AKAP6: variants seen among roughly 807,000 people sequenced by gnomAD.
AKAP6 encodes A-kinase anchoring protein 6, also known as A-kinase anchor protein 6.
AKAP6 carries 58 observed loss-of-function variants against 188.5 expected under a neutral mutation model. The ratio of observed to expected loss-of-function variants is 0.31; its 90% CI spans 0.25 to 0.38. AKAP6 has a LOEUF of 0.38. AKAP6 is among the 10% of genes least tolerant of loss of function. AKAP6 has a pLI of 1.00. For synonymous variants in AKAP6, 989 were observed against 998.6 expected, an observed-to-expected ratio of 0.99 and a Z score of 0.18; for missense variants, 2,710 against 2,740.0, an observed-to-expected ratio of 0.99 and a Z score of 0.24.
chr14:32,830,849 A>G lies in AKAP6; in HGVS notation c.*1044A>G, dbSNP rs1220342659. The G allele has an allele frequency of 6.6e-6, 1 of 152,618 alleles. No individual in the cohort carries two copies. The highest frequency in any genetic ancestry group is 1.5e-5 in the Non-Finnish European group (1 of 68,012). 9.5% of individuals were successfully genotyped at this position (152,618 alleles called of 1,614,324 possible). The stretch of plus-strand genomic sequence containing the variant: ...ATCTCTTCTACTATGTTCTTTACCA[A>G]ATTGTTGCATCTGGTTCTGAAAAAG... On this transcript the variant is annotated 3_prime_UTR_variant, in exon 14 of 14. Coordinates refer to ENST00000280979, the MANE Select transcript of AKAP6 (RefSeq NM_004274.5).
chr14:32,599,582 T>A, intron 6 of AKAP6, 76 bp downstream of exon 6: 6 of 1,115,576 alleles, frequency 5.4e-6, no homozygotes, highest in Non-Finnish European at 8.0e-6. Context: ...TGTAAATTAC[T>A]GCATATATTC....
intron 3 of AKAP6, among the ~76,000 whole-genome samples, chr14:32,536,488 G>A (rs1462101269): frequency 2.0e-5 from 3 of 152,162 alleles, no homozygotes; most frequent in Non-Finnish European, 4.4e-5. Context: ...GGTAAGCTGA[G>A]GTCAGATCAT....
At chr14:32,809,286 A>G (rs2034164035) in intron 12 of AKAP6, among the ~76,000 whole-genome samples, 1 of 152,258 alleles carries the variant, frequency 6.6e-6, no homozygotes, top group African/African-American at 2.4e-5. Flanking sequence ...ATGCATTTAA[A>G]TGTGGACAGC....
intron 13 of AKAP6, among the ~76,000 whole-genome samples, chr14:32,826,746 G>A (rs72669869): frequency 6.6e-5 from 10 of 152,296 alleles, no homozygotes; most frequent in Non-Finnish European, 1.5e-4. Flanking sequence ...TTTAGACTTG[G>A]AGGAAGTGAA....
chr14:32,764,489 T>G (rs1339578619), intron 11 of AKAP6, among the ~76,000 whole-genome samples: 2 of 152,194 alleles, frequency 1.3e-5, no homozygotes. Flanking sequence ...GGGACAAGAT[T>G]GTCTGAAAAT....
intron 5 of AKAP6, among the ~76,000 whole-genome samples, chr14:32,584,937 C>CT (rs1343787566): frequency 2.0e-5 from 3 of 151,940 alleles, no homozygotes; most frequent in Non-Finnish European, 4.4e-5. Context: ...TTTTTATTGC[C>CT]TTAAGAAACA....
intron 2 of AKAP6, among the ~76,000 whole-genome samples, chr14:32,485,263 C>T (rs1386623789): frequency 2.6e-5 from 4 of 151,038 alleles, no homozygotes; most frequent in Non-Finnish European, 5.9e-5. Flanking sequence ...AATAGTGCTG[C>T]AATAAACATA....
chr14:32,462,138 C>G (rs1340278395), intron 2 of AKAP6, among the ~76,000 whole-genome samples: 2 of 152,054 alleles, frequency 1.3e-5, no homozygotes, highest in Non-Finnish European at 2.9e-5. Context: ...AGAATGGAAC[C>G]AAGTTGGAAA....
intron 10 of AKAP6, 46 bp downstream of exon 10, chr14:32,732,646 T>TGC (rs2031233710): frequency 6.2e-7 from 1 of 1,600,464 alleles, no homozygotes; most frequent in African/African-American, 1.3e-5. Flanking sequence ...GTACATTTTT[T>TGC]GCGTAGTGAA....
intron 2 of AKAP6, among the ~76,000 whole-genome samples, chr14:32,530,660 C>G (rs997323552): frequency 6.6e-6 from 1 of 152,150 alleles, no homozygotes; most frequent in African/African-American, 2.4e-5. Context: ...ACTGAGAAGT[C>G]ACACTCAAGA....
chr14:32,589,042 A>G (rs1885370827), intron 5 of AKAP6, among the ~76,000 whole-genome samples: 1 of 151,894 alleles, frequency 6.6e-6, no homozygotes, highest in Non-Finnish European at 1.5e-5. Flanking sequence ...TCTTTTTCCC[A>G]CTTCCTGGTG....
rs1880759589 is a variant in AKAP6, at chr14:32,504,400, C to A, written c.325-31154C>A. 2.0e-5 allele frequency among the ~76,000 whole-genome samples: 3 copies of A among 152,128 alleles called. No individual in the cohort carries two copies. In the South Asian group the frequency reaches 6.2e-4, roughly 31 times the overall value. The stretch of plus-strand genomic sequence containing the variant: ...GGCTCAAGCAATTCTCCTGCCCCAG[C>A]CACCAAGGTAGCTGGCACTACAGGT... On this transcript the variant is annotated intron_variant, in intron 2 of 13. Coordinates refer to ENST00000280979, the MANE Select transcript of AKAP6 (RefSeq NM_004274.5).
chr14:32,704,851 G>A (rs1422100748), intron 9 of AKAP6, among the ~76,000 whole-genome samples: 1 of 152,100 alleles, frequency 6.6e-6, no homozygotes, highest in African/African-American at 2.4e-5. Context: ...AGGTACATAT[G>A]CTATTTGGTC....
intron 11 of AKAP6, among the ~76,000 whole-genome samples, chr14:32,747,678 A>C (rs567386326): frequency 3.3e-5 from 5 of 152,342 alleles, no homozygotes; most frequent in Non-Finnish European, 7.4e-5. Context: ...GTTGAAATTC[A>C]AAGGTAGATT....
At chr14:32,826,837 G>A (rs574097007) in intron 13 of AKAP6, among the ~76,000 whole-genome samples, 1 of 152,312 alleles carries the variant, frequency 6.6e-6, no homozygotes, top group East Asian at 1.9e-4. Context: ...CTGCCAGTCA[G>A]CAGTATTTTT....
intron 1 of AKAP6, among the ~76,000 whole-genome samples, chr14:32,394,303 A>G (rs1888803069): frequency 6.6e-6 from 1 of 152,104 alleles, no homozygotes; most frequent in Admixed American, 6.6e-5. Flanking sequence ...ATGTTCTCTG[A>G]TTGCTTGACT....
chr14:32,508,089 G>A (rs936040281), intron 2 of AKAP6, among the ~76,000 whole-genome samples: 2 of 152,140 alleles, frequency 1.3e-5, no homozygotes, highest in African/African-American at 4.8e-5. Flanking sequence ...AAATCTCTAA[G>A]GTGGCTTCCT....
intron 7 of AKAP6, among the ~76,000 whole-genome samples, chr14:32,630,156 T>A (rs934764960): frequency 6.6e-6 from 1 of 152,106 alleles, no homozygotes; most frequent in Admixed American, 6.6e-5. Context: ...TTGTCACAAT[T>A]TAACACGTAG....
intron 2 of AKAP6, among the ~76,000 whole-genome samples, chr14:32,520,916 A>G (rs369844428): frequency 5.3e-5 from 8 of 152,220 alleles, no homozygotes; most frequent in East Asian, 1.9e-4. Context: ...AATATCCCTG[A>G]TGAACATCAA....
Sources: gnomAD v4.1 joint callset for allele counts (sites outside exome capture counted in the v4.1 genomes callset) on GRCh38, gnomAD v4.1.1 for gene constraint, MANE v1.5 for transcripts, NCBI Gene and HGNC (gene_info 2026-07-23, HGNC 2026-07-21) for gene names.